DDB1: variants seen among roughly 807,000 people sequenced by gnomAD.
DDB1 encodes the protein damage specific DNA binding protein 1.
Under a neutral mutation model 133.1 loss-of-function variants are expected in DDB1, and 18 were observed. The ratio of observed to expected loss-of-function variants is 0.14; its 90% confidence interval spans 0.09 to 0.20. The LOEUF is 0.20. Among genes scored for constraint, DDB1 ranks in the 10% least tolerant of loss-of-function variants. DDB1 has a pLI of 1.00. For missense variants in DDB1, 828 were observed against 1,459.2 expected (o/e 0.57, Z 7.05); for synonymous variants, 580 against 550.5 (o/e 1.05, Z -0.75).
chr11:61,324,495 C>G (rs1350163142), intron 6 of DDB1: 1 of 199,000 alleles, frequency 5.0e-6, no homozygotes. Flanking sequence ...CTAATTACCC[C>G]CTACCACTGT....
rs1232964109 is a variant in DDB1, at chr11:61,300,799, C to T, written c.3339+10G>A. Reference sequence around the variant, plus strand: ...TTGTCTGGCCCAGGGTTAAACACCACACAGCTCACCTGTAGGTTTGCCACC... The same window carrying T: ...TTGTCTGGCCCAGGGTTAAACACCATACAGCTCACCTGTAGGTTTGCCACC... On this transcript the variant is annotated intron_variant, in intron 26 of 26. Transcript: ENST00000301764. 3 of 1,614,016 alleles carry T rather than the reference C, an allele frequency of 1.9e-6. No homozygotes were observed. Among genetic ancestry groups the T allele is most frequent in the Admixed American group, 1.7e-5 (1 of 60,012 alleles).
chr11:61,306,686 C>T (rs1855887008), intron 21 of DDB1, among the ~76,000 whole-genome samples: 1 of 152,144 alleles, frequency 6.6e-6, no homozygotes, highest in South Asian at 2.1e-4. Context: ...TTCTCAGATG[C>T]TCATAGTCCA....
In DDB1 at chr11:61,314,368, A is replaced by G. The variant is rs1046995957; in HGVS notation, c.1529T>C (p.Val510Ala). The change falls in exon 13 of 27, where the codon GTG becomes GCG. Residue 510 changes from valine (V) to alanine (A), a missense_variant. Around this residue, in one of 7 missense-constraint regions of DDB1, gnomAD observed 396 missense variants for 554.1 expected, o/e 0.71. Coordinates refer to ENST00000301764, the MANE Select transcript of DDB1 (RefSeq NM_001923.5). Reference sequence around the variant, plus strand: ...ATAGTAGAGGGCCCTGCCTACAGCCACCACCACCTGGCTGCTATTGCAGGA... The same window carrying G: ...ATAGTAGAGGGCCCTGCCTACAGCCGCCACCACCTGGCTGCTATTGCAGGA... ...VASCNSSQVV[V>A]AVGRALYYLQ... is the part of the protein sequence containing the mutation. The G allele has an allele frequency of 2.5e-6, 4 of 1,614,220 alleles. No homozygotes were observed. Among genetic ancestry groups the G allele is most frequent in the Non-Finnish European group, 3.4e-6 (4 of 1,180,036 alleles).
chr11:61,310,515 G>T, intron 18 of DDB1, 97 bp from the exon 19 acceptor site: 2 of 1,388,598 alleles, frequency 1.4e-6, no homozygotes, highest in Non-Finnish European at 1.9e-6. Flanking sequence ...CACAAAGGCT[G>T]CAGCTAGCCA....
chr11:61,325,547 G>A (rs1856255105), intron 6 of DDB1, 64 bp downstream of exon 6: 3 of 1,344,700 alleles, frequency 2.2e-6, no homozygotes, highest in African/African-American at 2.9e-5. Flanking sequence ...TAAGAGAAAG[G>A]GAGGAGCAAG....
In DDB1 at chr11:61,333,002, C is replaced by T. The variant is rs1415933153; in HGVS notation, c.-34G>A. The T allele has an allele frequency of 6.8e-7, 1 of 1,479,452 alleles. No individual in the cohort carries two copies. Among genetic ancestry groups the T allele is most frequent in the East Asian group, 2.7e-5 (1 of 36,682 alleles). The allele number at this position is 1,479,452 out of a possible 1,614,324, so 91.6% of individuals were successfully genotyped here. On this transcript the variant is annotated 5_prime_UTR_variant, in exon 1 of 27. Transcript: ENST00000301764. ...TTGGAGCGGCCCGTCGGGACTCGAG[C>T]GCGACACTAGAAAGAGGGACACAAG...
At chr11:61,326,316 TTTG>T (rs770804784) in intron 5 of DDB1, 7 of 232,728 alleles carry the variant, frequency 3.0e-5, no homozygotes, top group African/African-American at 9.5e-5. Context: ...CTTTCAGTTT[TTTG>T]TTGTTGTTTT....
rs888180298 is a variant in DDB1, at chr11:61,303,217, G to A, written c.2833-62C>T. The A allele has an allele frequency of 3.4e-6, 5 of 1,488,976 alleles. No individual in the cohort carries two copies. The Admixed American group carries it at 6.7e-5, about 20-fold the overall frequency. 92.2% of individuals were successfully genotyped at this position (1,488,976 alleles called of 1,614,324 possible). ...AGCAGTTTGCACGGAATCCAGTTCTGGGACTTGTGTTTCCTTTATTCAGGA... is the reference window on the plus strand; with the variant it reads ...AGCAGTTTGCACGGAATCCAGTTCTAGGACTTGTGTTTCCTTTATTCAGGA... On this transcript the variant is annotated intron_variant, in intron 22 of 26. Transcript: ENST00000301764.
intron 21 of DDB1, 32 bp from the exon 22 acceptor site, chr11:61,304,067 G>C (rs1565238747): frequency 4.3e-6 from 7 of 1,610,684 alleles, no homozygotes; most frequent in Non-Finnish European, 5.1e-6. Flanking sequence ...TCAGCCAAAG[G>C]GGCCAGAGCT....
chr11:61,313,088 C>T (rs1433841712), intron 16 of DDB1, among the ~76,000 whole-genome samples: 4 of 152,254 alleles, frequency 2.6e-5, no homozygotes, highest in Non-Finnish European at 4.4e-5. Flanking sequence ...GCCGGGACTA[C>T]AGGTGTGAGC....
intron 23 of DDB1, 27 bp downstream of exon 23, chr11:61,303,019 C>T (rs1357047737): frequency 2.5e-6 from 4 of 1,599,080 alleles, no homozygotes; most frequent in Non-Finnish European, 3.4e-6. Context: ...GCCCTCCCCA[C>T]CACTCCCAGA....
intron 6 of DDB1, among the ~76,000 whole-genome samples, chr11:61,324,682 G>C (rs886725942): frequency 6.6e-6 from 1 of 152,114 alleles, no homozygotes; most frequent in African/African-American, 2.4e-5. Context: ...ACTGTAGCCA[G>C]CTAGATTTTG....
At chr11:61,332,323 A>C (rs1239404254) in intron 1 of DDB1, 1 of 153,168 alleles carries the variant, frequency 6.5e-6, no homozygotes, top group Non-Finnish European at 1.5e-5. Context: ...CCGGGTTCTG[A>C]ACATCGGTGT....
At chr11:61,318,312 A>G (rs1856123566) in intron 10 of DDB1, among the ~76,000 whole-genome samples, 1 of 152,250 alleles carries the variant, frequency 6.6e-6, no homozygotes, top group African/African-American at 2.4e-5. Context: ...CTTTATACAT[A>G]TAAAGGTCAG....
intron 10 of DDB1, among the ~76,000 whole-genome samples, chr11:61,316,999 A>ATATATATATATG (rs1856096471): frequency 1.0e-5 from 1 of 99,926 alleles, no homozygotes; most frequent in Non-Finnish European, 2.3e-5. Context: ...ATATATATAT[A>ATATATATATATG]GACATGGCAG....
At chr11:61,325,750 G>A in intron 5 of DDB1, 42 bp from the exon 6 acceptor site, 1 of 1,523,646 alleles carries the variant, frequency 6.6e-7, no homozygotes, top group South Asian at 1.1e-5. Flanking sequence ...AGCACTCTGG[G>A]TCTGCCAAAC....
chr11:61,306,082 A>C (rs1168277350), intron 21 of DDB1, among the ~76,000 whole-genome samples: 4 of 152,160 alleles, frequency 2.6e-5, no homozygotes, highest in African/African-American at 9.7e-5. Context: ...CGCTCATATA[A>C]TATTTCTATT....
intron 10 of DDB1, among the ~76,000 whole-genome samples, chr11:61,319,424 GCTTT>G (rs991564221): frequency 4.0e-5 from 6 of 151,788 alleles, no homozygotes; most frequent in African/African-American, 7.3e-5. Flanking sequence ...ATGTCTCACT[GCTTT>G]CTTTTTTTTT....
intron 26 of DDB1, 38 bp downstream of exon 26, chr11:61,300,771 G>T: frequency 6.2e-7 from 1 of 1,612,684 alleles, no homozygotes; most frequent in Non-Finnish European, 8.5e-7. Context: ...ACCTGCAGTG[G>T]ACTTGTCTGG....
Sources: allele counts gnomAD v4.1 joint callset (sites outside exome capture counted in the v4.1 genomes callset), GRCh38; gene constraint gnomAD v4.1.1; regional missense constraint gnomAD v4.1.1; transcripts MANE v1.5; gene names NCBI Gene and HGNC (gene_info 2026-07-23, HGNC 2026-07-21).